Variants in TASOR observed in about 807,000 individuals in gnomAD.
TASOR encodes protein TASOR.
A neutral mutation model predicts 178.6 loss-of-function variants in TASOR; 53 were observed. That is an observed-to-expected ratio of 0.30 (90% confidence interval 0.24 to 0.37). The LOEUF is 0.37. Ranked by LOEUF, TASOR falls within the 10% of genes least tolerant of loss-of-function variation. TASOR has a pLI of 1.00. For synonymous variants in TASOR, 713 were observed against 696.2 expected, an observed-to-expected ratio of 1.02 and a Z score of -0.38; for missense variants, 1,815 against 1,971.4, an observed-to-expected ratio of 0.92 and a Z score of 1.50.
In TASOR at chr3:56,633,660, A is replaced by C; in HGVS notation, c.3131T>G (p.Val1044Gly). The change falls in exon 18 of 24, where the codon GTC (valine) becomes GGC (glycine). Residue 1044 changes from valine to glycine, a missense_variant. By Grantham distance (109) the Val-to-Gly change is moderately radical. Around this residue, in one of 5 missense-constraint regions of TASOR, gnomAD observed 655 missense variants for 671.1 expected, o/e 0.98. Coordinates refer to ENST00000683822, the MANE Select transcript of TASOR (RefSeq NM_001365635.2). ...EILKQKNVSY[V>G]STVSTPIFST... ...AAAGATAGGTGTGGAAACTGTACTG[A>C]CATATGAAACATTCTTTTGCTTCAA... 1.9e-6 allele frequency: 3 copies of C among 1,614,146 alleles called. No homozygotes were observed. The highest frequency in any genetic ancestry group is 2.5e-6 in the Non-Finnish European group (3 of 1,180,008).
rs141740412 is a variant in TASOR at position 56,629,428 on chromosome 3, C to CTT, written c.3748-815_3748-814insAA. On this transcript the variant is annotated intron_variant, in intron 18 of 23. Transcript: ENST00000683822. ...TTGCAGCAGTATTAACTGGGATAAA[C>CTT]GCCTTCAGAGTTAAGAACTTTCACA... 4.7e-3 allele frequency among the ~76,000 whole-genome samples: 722 copies of CTT among 152,294 alleles called. 3 individuals carry two copies. The highest frequency in any genetic ancestry group is 0.016 in the African/African-American group (684 of 41,556).
In TASOR at chr3:56,627,020, T is replaced by TA. The variant is rs1163696760; in HGVS notation, c.4139+16dup. 7.0e-7 allele frequency: 1 copy of TA among 1,423,140 alleles called. No individual in the cohort carries two copies. Among genetic ancestry groups the TA allele is most frequent in the Non-Finnish European group, 9.8e-7 (1 of 1,015,662 alleles). 88.2% of individuals were successfully genotyped at this position (1,423,140 alleles called of 1,614,324 possible). On this transcript the variant is annotated intron_variant, in intron 21 of 23. Transcript: ENST00000683822. ...TTAAAATCAACAACCATTATATAGT[T>TA]ATGTTTCAAAGCTTACCTGCCTAGT...
chr3:56,664,281 T>C (rs1199312513), intron 7 of TASOR: 1 of 152,152 alleles, frequency 6.6e-6, no homozygotes, highest in Non-Finnish European at 1.5e-5. Context: ...TGAAATGATA[T>C]AGAGGTCAAG....
Position 56,633,558 on chromosome 3 carries a change from A to G in TASOR, c.3233T>C (p.Val1078Ala), listed in dbSNP as rs1699561781. Reference sequence around the variant, plus strand: ...ATTTAGCTTCTCATGCAAACCATCTACAAACTCCTGCACACCAGCTTTGGA... The same window carrying G: ...ATTTAGCTTCTCATGCAAACCATCTGCAAACTCCTGCACACCAGCTTTGGA... ...KTSKAGVQEF[V>A]DGLHEKLNTI... Residue 1078 changes from valine (V) to alanine (A), a missense_variant, in exon 18 of 24, where the codon GTA becomes GCA. By Grantham distance (64) the Val-to-Ala change is moderately conservative (BLOSUM62 0). This residue lies in a region of TASOR where 655 missense variants were observed against 671.1 expected (regional missense o/e 0.98). Transcript: ENST00000683822. 2.5e-6 allele frequency: 4 copies of G among 1,614,160 alleles called. No homozygotes were observed. The highest frequency in any genetic ancestry group is 3.4e-6 in the Non-Finnish European group (4 of 1,180,040).
At chr3:56,641,779 A>C in intron 14 of TASOR, 27 bp from the exon 15 acceptor site, 2 of 1,567,850 alleles carry the variant, frequency 1.3e-6, no homozygotes, top group Admixed American at 3.9e-5. Context: ...CATTGGTTGA[A>C]GTTAAGTTTA....
chr3:56,633,428 T>C lies in TASOR; in HGVS notation c.3363A>G (p.Ile1121Met), dbSNP rs2076956248. The C allele has an allele frequency of 1.2e-6, 2 of 1,614,000 alleles. No homozygotes were observed. Among genetic ancestry groups the C allele is most frequent in the Non-Finnish European group, 1.7e-6 (2 of 1,179,978 alleles). ...TGTTGAAGTCACTTGAGGAAACTGG[T>C]ATGACATGCCTTTCCAGAGGATTCG... is the stretch of plus-strand genomic sequence containing the variant. ...IASNPLERHVIPVSSSDFNNK... is the reference protein window; with the variant it reads ...IASNPLERHVMPVSSSDFNNK... The change falls in exon 18 of 24, where the codon ATA becomes ATG. Residue 1121 changes from isoleucine (I) to methionine (M), a missense_variant. This residue lies in a region of TASOR where 655 missense variants were observed against 671.1 expected (regional missense o/e 0.98). Coordinates refer to ENST00000683822, the MANE Select transcript of TASOR (RefSeq NM_001365635.2).
In TASOR at chr3:56,624,826, AC is replaced by A; in HGVS notation, c.4318+1del. Reference sequence around the variant, plus strand: ...TAGAAAGCTTAGGAGTGCTCTCTTTACCTGTTAAAAAGACTATGTGTCGTTG... The same window carrying A: ...TAGAAAGCTTAGGAGTGCTCTCTTTACTGTTAAAAAGACTATGTGTCGTTG... On this transcript the variant is annotated splice_donor_variant, in intron 22 of 23. Coordinates refer to ENST00000683822, the MANE Select transcript of TASOR (RefSeq NM_001365635.2). LOFTEE classifies it high-confidence loss of function. 1 of 1,613,838 alleles carries A rather than the reference AC, an allele frequency of 6.2e-7. No individual in the cohort carries two copies. The highest frequency in any genetic ancestry group is 8.5e-7 in the Non-Finnish European group (1 of 1,179,882).
chr3:56,645,008 TGAC>T (rs1166984481), intron 14 of TASOR, among the ~76,000 whole-genome samples: 8 of 152,220 alleles, frequency 5.3e-5, no homozygotes, highest in African/African-American at 1.9e-4. Context: ...GCATGGTGGC[TGAC>T]GACTGTAATC....
rs2077583806 is a variant in TASOR, at chr3:56,661,088, A to G, written c.1161-71T>C. Reference sequence around the variant, plus strand: ...ACTCTAGCAATCTTAACACATACACAAAAAAGTACACTTGATGGAAAATAG... The same window carrying G: ...ACTCTAGCAATCTTAACACATACACGAAAAAGTACACTTGATGGAAAATAG... On this transcript the variant is annotated intron_variant, in intron 9 of 23. Coordinates refer to ENST00000683822, the MANE Select transcript of TASOR (RefSeq NM_001365635.2). 4 of 890,120 alleles carry G rather than the reference A, an allele frequency of 4.5e-6. No homozygotes were observed. The East Asian group carries it at 9.9e-5, about 22-fold the overall frequency. 55.1% of individuals were successfully genotyped at this position (890,120 alleles called of 1,614,324 possible).
chr3:56,682,885 C>G lies in TASOR; in HGVS notation c.122G>C (p.Gly41Ala). Residue 41 changes from glycine to alanine, a missense_variant, in exon 1 of 24, where the codon GGC becomes GCC. Transcript: ENST00000683822. ...LPELESSQQN[G>A]GGGGLNIAEP... ...AGCGATGTTGAGGCCGCCGCCGCCG[C>G]CATTTTGTTGGGAGGACTCAAGCTC... 1.4e-5 allele frequency: 22 copies of G among 1,540,018 alleles called. No homozygotes were observed. The highest frequency in any genetic ancestry group is 1.9e-5 in the Non-Finnish European group (22 of 1,137,866).
At position 56,669,795 on chromosome 3, in the gene TASOR, G is replaced by C. The variant is rs1559850836; in HGVS notation, c.644-4C>G. On this transcript the variant is annotated splice_polypyrimidine_tract_variant and splice_region_variant and intron_variant, in intron 4 of 23. Transcript: ENST00000683822. The stretch of plus-strand genomic sequence containing the variant: ...GCATACCTAGAAAGATAGACACCTA[G>C]AAAAGACGGAAAAATTAAGGAAACT... The C allele has an allele frequency of 3.9e-6, 6 of 1,520,018 alleles. No homozygotes were observed. Among genetic ancestry groups the C allele is most frequent in the Non-Finnish European group, 8.8e-7 (1 of 1,132,502 alleles). The allele number at this position is 1,520,018 out of a possible 1,614,324, so 94.2% of individuals were successfully genotyped here.
In TASOR at chr3:56,621,363, A is replaced by G. The variant is rs2076589321; in HGVS notation, c.*1674T>C. On this transcript the variant is annotated 3_prime_UTR_variant, in exon 24 of 24. Transcript: ENST00000683822. ...ACAGAATCTTACAAATGTGATAGCTATATATCCAAATGAGGTGGTCTAGTA... is the reference window on the plus strand; with the variant it reads ...ACAGAATCTTACAAATGTGATAGCTGTATATCCAAATGAGGTGGTCTAGTA... The G allele has an allele frequency of 6.8e-6, 3 of 439,932 alleles. No individual in the cohort carries two copies. The highest frequency in any genetic ancestry group is 3.9e-5 in the Admixed American group (1 of 25,608). The allele number at this position is 439,932 out of a possible 1,614,324, so 27.3% of individuals were successfully genotyped here. A position where few individuals can be genotyped will look rare whatever the true frequency, so the allele number is the denominator to read the frequency against.
chr3:56,675,671 C>T (rs2031226682), intron 1 of TASOR, among the ~76,000 whole-genome samples: 1 of 152,126 alleles, frequency 6.6e-6, no homozygotes, highest in African/African-American at 2.4e-5. Flanking sequence ...CTCATAGAAA[C>T]TATGTTATTC....
chr3:56,674,691 T>C (rs561360002), intron 1 of TASOR, among the ~76,000 whole-genome samples: 1 of 152,126 alleles, frequency 6.6e-6, no homozygotes, highest in African/African-American at 2.4e-5. Context: ...GGTAAATAAA[T>C]TACTTATATA....
Position 56,627,160 on chromosome 3 carries a change from G to C in TASOR, c.4031-15C>G. The stretch of plus-strand genomic sequence containing the variant: ...TTTAAGGTTCTCTGTTAGAGATAAT[G>C]AAGTTTGTTTTTAATTCAATAAATA... On this transcript the variant is annotated splice_polypyrimidine_tract_variant and intron_variant, in intron 20 of 23. Transcript: ENST00000683822. 6.9e-7 allele frequency: 1 copy of C among 1,454,720 alleles called. No homozygotes were observed. The highest frequency in any genetic ancestry group is 9.5e-7 in the Non-Finnish European group (1 of 1,051,286). 90.1% of individuals were successfully genotyped at this position (1,454,720 alleles called of 1,614,324 possible).
Position 56,671,601 on chromosome 3 carries a change from T to C in TASOR, c.569A>G (p.Gln190Arg). The part of the protein sequence containing the change: ...SYAFLMVDRY[Q>R]VQTICEKGLH... ...TTTTTATAAAATGCGTTAACTCACC[T>C]GGTATCGATCAACCATCAGAAATGC... The change falls in exon 3 of 24, where the codon CAG (glutamine) becomes CGG (arginine). Residue 190 changes from glutamine (Q) to arginine (R), a missense_variant and splice_region_variant. Physicochemically the swap from Gln to Arg is conservative, Grantham distance 43 (BLOSUM62 1). Transcript: ENST00000683822. 6.5e-7 allele frequency: 1 copy of C among 1,544,438 alleles called. No individual in the cohort carries two copies. Among genetic ancestry groups the C allele is most frequent in the Non-Finnish European group, 8.7e-7 (1 of 1,143,286 alleles).
rs774653616 is a variant in TASOR, at chr3:56,633,127, T to C, written c.3664A>G (p.Lys1222Glu). The change falls in exon 18 of 24, where the codon AAA (lysine) becomes GAA (glutamate). Residue 1222 changes from lysine (K) to glutamate (E), a missense_variant. Lys to Glu is a moderately conservative substitution (Grantham distance 56). This residue lies in a region of TASOR where 655 missense variants were observed against 671.1 expected (regional missense o/e 0.98). Transcript: ENST00000683822. ...TTTTTCTGGACGTCTTTCATGATTTTAACCAAACTATTAAATACTTCAGGT... is the reference window on the plus strand; with the variant it reads ...TTTTTCTGGACGTCTTTCATGATTTCAACCAAACTATTAAATACTTCAGGT... Reference protein sequence around the residue: ...LEPEVFNSLVKIMKDVQKNTV... With the variant: ...LEPEVFNSLVEIMKDVQKNTV... 5.6e-6 allele frequency: 9 copies of C among 1,613,508 alleles called. No homozygotes were observed. The highest frequency in any genetic ancestry group is 6.8e-6 in the Non-Finnish European group (8 of 1,179,826).
At chr3:56,624,433 CTT>C (rs762517549) in intron 23 of TASOR, 44 bp downstream of exon 23, 19 of 1,588,662 alleles carry the variant, frequency 1.2e-5, no homozygotes, top group Non-Finnish European at 1.6e-5. Context: ...AACCATTCCT[CTT>C]TTTCTGTCTG....
At chr3:56,675,017 G>C (rs1050154517) in intron 1 of TASOR, among the ~76,000 whole-genome samples, 3 of 151,996 alleles carry the variant, frequency 2.0e-5, no homozygotes, top group Admixed American at 2.0e-4. Flanking sequence ...AGTAGAGACG[G>C]GGTTTCACTG....
Sources: gnomAD v4.1 joint callset for allele counts (sites outside exome capture counted in the v4.1 genomes callset) on GRCh38, gnomAD v4.1.1 for gene constraint, gnomAD v4.1.1 regional missense constraint, MANE v1.5 for transcripts, NCBI Gene and HGNC (gene_info 2026-07-23, HGNC 2026-07-21) for gene names.